Variants in TENM2 observed in about 807,000 individuals in gnomAD.
TENM2 encodes the protein teneurin-2.
Under a neutral mutation model 245.2 loss-of-function variants are expected in TENM2, and 52 were observed. That is an observed-to-expected ratio of 0.21 (90% CI 0.17 to 0.27). The LOEUF (loss-of-function observed/expected upper bound fraction) is 0.27, where lower values mean the gene tolerates loss of function less well. Ranked by LOEUF, TENM2 falls within the 10% of genes least tolerant of loss-of-function variation. The probability of loss-of-function intolerance (pLI) is 1.00; values close to 1 mark genes in which losing one functional copy is unlikely to be tolerated. For missense variants in TENM2, 3,046 were observed against 3,666.8 expected (o/e 0.83, Z 4.37); for synonymous variants, 1,363 against 1,438.9 (o/e 0.95, Z 1.19).
intron 2 of TENM2, among the ~76,000 whole-genome samples, chr5:167,862,718 G>A (rs555834353): frequency 7.2e-5 from 11 of 152,318 alleles, no homozygotes; most frequent in African/African-American, 2.6e-4. Context: ...GACATTTGGA[G>A]GTTCATTCTG....
intron 2 of TENM2, among the ~76,000 whole-genome samples, chr5:167,486,687 A>G (rs1768095720): frequency 6.6e-6 from 1 of 152,174 alleles, no homozygotes; most frequent in Non-Finnish European, 1.5e-5. Context: ...TGCCTAAAGA[A>G]TACATCACTA....
intron 2 of TENM2, among the ~76,000 whole-genome samples, chr5:167,520,235 C>A (rs1038307821): frequency 1.3e-5 from 2 of 152,126 alleles, no homozygotes; most frequent in African/African-American, 4.8e-5. Context: ...TAGACTAGGT[C>A]TCATTGAGCA....
At chr5:168,236,453 C>A (rs1436617221) in intron 25 of TENM2, among the ~76,000 whole-genome samples, 1 of 152,116 alleles carries the variant, frequency 6.6e-6, no homozygotes, top group Non-Finnish European at 1.5e-5. Context: ...ACCCTCCCCA[C>A]CTGGAATATT....
At position 167,350,997 on chromosome 5, in the gene TENM2, T is replaced by G. The variant is rs200068864; in HGVS notation, c.227-24201T>G. Among the ~76,000 whole-genome samples, 20 of 56,180 alleles carry G rather than the reference T, an allele frequency of 3.6e-4. 4 individuals carry two copies. Among genetic ancestry groups the G allele is most frequent in the African/African-American group, 6.1e-4 (12 of 19,650 alleles). 36.9% of individuals were successfully genotyped at this position (56,180 alleles called of 152,430 possible). On this transcript the variant is annotated intron_variant, in intron 1 of 28. Coordinates refer to ENST00000518659, the Ensembl canonical transcript of TENM2. Reference sequence around the variant, plus strand: ...ATATACATATGGATATATATATGGATTATATACATATGGATATATATATAT... The same window carrying G: ...ATATACATATGGATATATATATGGAGTATATACATATGGATATATATATAT...
chr5:167,641,917 C>T (rs1322422953), intron 2 of TENM2, among the ~76,000 whole-genome samples: 2 of 151,852 alleles, frequency 1.3e-5, no homozygotes, highest in African/African-American at 2.4e-5. Context: ...CCGAGGTGGG[C>T]GAATCATGAG....
the TENM2 span, among the ~76,000 whole-genome samples, chr5:167,244,763 T>C: frequency 6.6e-6 from 1 of 152,154 alleles, no homozygotes; most frequent in East Asian, 1.9e-4. Context: ...TCCCAAGGGG[T>C]AGAGAGCCTT....
intron 9 of TENM2, among the ~76,000 whole-genome samples, chr5:168,115,854 G>C (rs992201595): frequency 6.6e-6 from 1 of 152,064 alleles, no homozygotes; most frequent in Non-Finnish European, 1.5e-5. Flanking sequence ...TGACGGTTTC[G>C]AGGCTCTATC....
intron 2 of TENM2, among the ~76,000 whole-genome samples, chr5:167,471,810 A>C (rs148061577): frequency 1.3e-5 from 2 of 152,310 alleles, no homozygotes; most frequent in Admixed American, 6.5e-5. Flanking sequence ...GGAGAGGGGA[A>C]AAATGTAATC....
intron 4 of TENM2, among the ~76,000 whole-genome samples, chr5:167,964,796 A>G (rs769796274): frequency 5.4e-4 from 82 of 152,202 alleles, no homozygotes; most frequent in Admixed American, 2.0e-4. Flanking sequence ...AGCAAGAGAA[A>G]GCAAACTAGA....
At chr5:166,996,743 A>G in the TENM2 span, among the ~76,000 whole-genome samples, 4 of 152,226 alleles carry the variant, frequency 2.6e-5, no homozygotes, top group African/African-American at 9.6e-5. Flanking sequence ...TTGTACCTAG[A>G]TGAAGAGATG....
chr5:167,620,040 T>A (rs1437309788), intron 2 of TENM2, among the ~76,000 whole-genome samples: 2 of 152,146 alleles, frequency 1.3e-5, no homozygotes, highest in African/African-American at 2.4e-5. Flanking sequence ...AATATATGTA[T>A]GTATTTTAAG....
intron 2 of TENM2, among the ~76,000 whole-genome samples, chr5:167,508,063 G>T (rs1769673884): frequency 6.6e-6 from 1 of 152,116 alleles, no homozygotes; most frequent in South Asian, 2.1e-4. Flanking sequence ...CACTGAACAT[G>T]TGGAAACGAA....
At chr5:167,981,999 A>G (rs1782877749) in intron 4 of TENM2, among the ~76,000 whole-genome samples, 1 of 151,832 alleles carries the variant, frequency 6.6e-6, no homozygotes, top group Admixed American at 6.6e-5. Context: ...AAAAAAAGAA[A>G]AAAGAAAAAA....
At chr5:167,332,080 C>A (rs537782398) in intron 1 of TENM2, among the ~76,000 whole-genome samples, 19 of 152,226 alleles carry the variant, frequency 1.2e-4, no homozygotes, top group Middle Eastern at 3.4e-3. Context: ...TTTCTATATT[C>A]CCAGCATGAA....
At chr5:167,763,425 C>G (rs968333035) in intron 2 of TENM2, among the ~76,000 whole-genome samples, 1 of 152,158 alleles carries the variant, frequency 6.6e-6, no homozygotes, top group Non-Finnish European at 1.5e-5. Flanking sequence ...CAGCAAATGT[C>G]AAATGTCCCC....
intron 5 of TENM2, among the ~76,000 whole-genome samples, chr5:167,993,781 C>T (rs868403808): frequency 6.6e-6 from 1 of 152,222 alleles, no homozygotes; most frequent in Non-Finnish European, 1.5e-5. Context: ...TCATCCTCAA[C>T]TCTCTCCTCA....
chr5:167,356,217 A>AAAAAAAAGAAAAATT (rs1759321624), intron 1 of TENM2, among the ~76,000 whole-genome samples: 6 of 129,104 alleles, frequency 4.6e-5, no homozygotes, highest in African/African-American at 1.9e-4. Flanking sequence ...AAAAAAAAAA[A>AAAAAAAAGAAAAATT]AAAATTAAAA....
In TENM2 at chr5:168,101,662, G is replaced by A. The variant is rs931699121; in HGVS notation, c.1813+3535G>A. ...AGTAGTTATTCCTCCATACTCAGTC[G>A]CTGCTCCTGAAATCGGGCTTTGAAC... On this transcript the variant is annotated intron_variant, in intron 9 of 28. Coordinates refer to ENST00000518659, the Ensembl canonical transcript of TENM2. 2.1e-4 allele frequency among the ~76,000 whole-genome samples: 32 copies of A among 152,128 alleles called. 1 individual carries two copies. Among genetic ancestry groups the A allele is most frequent in the Non-Finnish European group, 7.4e-5 (5 of 68,022 alleles).
chr5:167,007,771 TA>T, the TENM2 span, among the ~76,000 whole-genome samples: 1 of 152,186 alleles, frequency 6.6e-6, no homozygotes, highest in Non-Finnish European at 1.5e-5. This position sits in a 1 kb window ranked among gnomAD's most constrained non-coding sequence, Gnocchi z 4.2. Context: ...TAGTGCATAA[TA>T]AGCCACTGTG....
Sources: allele counts gnomAD v4.1 joint callset (sites outside exome capture counted in the v4.1 genomes callset), GRCh38; gene constraint gnomAD v4.1.1; non-coding constraint Gnocchi (gnomAD v3.1); transcripts MANE v1.5; gene names NCBI Gene and HGNC (gene_info 2026-07-23, HGNC 2026-07-21).